ST3GAL2: variants seen among roughly 807,000 people sequenced by gnomAD.
The protein encoded by ST3GAL2 is ST3 beta-galactoside alpha-2,3-sialyltransferase 2.
ST3GAL2 carries 16 observed loss-of-function variants against 37.5 expected under a neutral mutation model. The ratio of observed to expected loss-of-function variants is 0.43; its 90% CI spans 0.29 to 0.65. The LOEUF (loss-of-function observed/expected upper bound fraction) is 0.65. ST3GAL2 is among the 30% of genes least tolerant of loss of function. ST3GAL2 has a pLI of 0.17. For missense variants in ST3GAL2, 383 were observed against 487.8 expected (o/e 0.79, Z 2.02); for synonymous variants, 238 against 202.9 (o/e 1.17, Z -1.47).
intron 4 of ST3GAL2, among the ~76,000 whole-genome samples, chr16:70,386,058 G>A (rs946272533): frequency 1.3e-5 from 2 of 151,820 alleles, no homozygotes; most frequent in African/African-American, 4.8e-5. Flanking sequence ...CGGAATCTCT[G>A]TCGTCAGGCT....
intron 1 of ST3GAL2, among the ~76,000 whole-genome samples, chr16:70,411,245 C>T (rs1190829308): frequency 2.0e-5 from 3 of 151,880 alleles, no homozygotes; most frequent in African/African-American, 7.3e-5. Flanking sequence ...ATTAGCTGGG[C>T]GTGGGGTCAA....
chr16:70,381,635 G>C lies in ST3GAL2; in HGVS notation c.*54C>G, dbSNP rs2047405815. On this transcript the variant is annotated 3_prime_UTR_variant, in exon 7 of 7. Transcript: ENST00000342907. Reference sequence around the variant, plus strand: ...GCGGGTTGCTGGTCCTGGGTCCCGGGCCGGAGCCCCGGTGCCCGATAGATG... The same window carrying C: ...GCGGGTTGCTGGTCCTGGGTCCCGGCCCGGAGCCCCGGTGCCCGATAGATG... 6.3e-7 allele frequency: 1 copy of C among 1,588,804 alleles called. No individual in the cohort carries two copies. The highest frequency in any genetic ancestry group is 8.6e-7 in the Non-Finnish European group (1 of 1,167,864).
chr16:70,429,170 G>A (rs2047771250), intron 1 of ST3GAL2, among the ~76,000 whole-genome samples: 1 of 152,314 alleles, frequency 6.6e-6, no homozygotes, highest in South Asian at 2.1e-4. Flanking sequence ...ATCCAAACAG[G>A]TTAGGAGAAA....
rs1302929967 is a variant in ST3GAL2, at chr16:70,398,405, C to G, written c.126G>C (p.Leu42=). ...CCAGCTTCACCCGGTGCGTCCCATC[C>G]AGGGCCCCTGAGTCCAGGTAGGGGA... ...ATLPYLDSGA[L]DGTHRVKLVP... is the part of the protein sequence containing the mutation. Residue 42 remains leucine, a synonymous_variant, in exon 2 of 7, where the codon CTG becomes CTC. Transcript: ENST00000342907. 1 of 1,613,720 alleles carries G rather than the reference C, an allele frequency of 6.2e-7. No homozygotes were observed. Among genetic ancestry groups the G allele is most frequent in the Admixed American group, 1.7e-5 (1 of 60,032 alleles).
intron 1 of ST3GAL2, among the ~76,000 whole-genome samples, chr16:70,413,668 G>A (rs891511252): frequency 1.7e-4 from 26 of 150,174 alleles, no homozygotes; most frequent in East Asian, 3.9e-4. Flanking sequence ...CCCAGGAAGC[G>A]GAGGTTGCAG....
chr16:70,399,254 C>G lies in ST3GAL2; in HGVS notation c.-724G>C, dbSNP rs1181719081. ...CTTCTCCTGGTGGCCCCAGCCCCAG[C>G]TGCAGTTGCGTAGGGGTCGCAAAGC... On this transcript the variant is annotated 5_prime_UTR_variant, in exon 2 of 7. Transcript: ENST00000342907. The G allele has an allele frequency of 2.5e-6, 1 of 398,802 alleles. No individual in the cohort carries two copies. Among genetic ancestry groups the G allele is most frequent in the East Asian group, 3.6e-5 (1 of 28,094 alleles). The allele number at this position is 398,802 out of a possible 1,614,324, so 24.7% of individuals were successfully genotyped here. A position where few individuals can be genotyped will look rare whatever the true frequency, so the allele number is the denominator to read the frequency against.
chr16:70,424,727 G>C (rs1265494662), intron 1 of ST3GAL2, among the ~76,000 whole-genome samples: 1 of 152,206 alleles, frequency 6.6e-6, no homozygotes, highest in Non-Finnish European at 1.5e-5. Flanking sequence ...AATCCAATTT[G>C]AAGTGCCCTT....
chr16:70,402,169 C>G (rs1396991158), intron 1 of ST3GAL2, among the ~76,000 whole-genome samples: 1 of 150,194 alleles, frequency 6.7e-6, no homozygotes, highest in African/African-American at 2.5e-5. Context: ...CATGGTGGCA[C>G]ATGCCTGTAA....
intron 3 of ST3GAL2, among the ~76,000 whole-genome samples, chr16:70,391,524 C>A (rs1410926803): frequency 6.6e-6 from 1 of 152,202 alleles, no homozygotes; most frequent in Non-Finnish European, 1.5e-5. Flanking sequence ...CTGCTAAACT[C>A]CCCATGCAGG....
intron 1 of ST3GAL2, among the ~76,000 whole-genome samples, chr16:70,402,174 C>G (rs1273374589): frequency 2.0e-5 from 3 of 150,414 alleles, no homozygotes; most frequent in African/African-American, 7.3e-5. Flanking sequence ...TGGCACATGC[C>G]TGTAATCCCA....
intron 1 of ST3GAL2, among the ~76,000 whole-genome samples, chr16:70,402,768 G>C (rs564735032): frequency 4.7e-4 from 72 of 152,278 alleles, no homozygotes; most frequent in African/African-American, 1.6e-3. Context: ...TCCTGTCTCA[G>C]CCTCCTGAGT....
In ST3GAL2 at chr16:70,399,355, G is replaced by A. The variant is rs2047539798; in HGVS notation, c.-825C>T. On this transcript the variant is annotated 5_prime_UTR_variant, in exon 2 of 7. It introduces an in-frame stop codon into an upstream open reading frame of the 5' UTR. Coordinates refer to ENST00000342907, the MANE Select transcript of ST3GAL2 (RefSeq NM_006927.4). ...CGGGGCACTGTGTCCAATACCATCT[G>A]GGTCAGGCGAGCTTGTGCTGAGCTC... 2.5e-6 allele frequency: 1 copy of A among 398,722 alleles called. No individual in the cohort carries two copies. Among genetic ancestry groups the A allele is most frequent in the Non-Finnish European group, 4.4e-6 (1 of 226,168 alleles). The allele number at this position is 398,722 out of a possible 1,614,324, so 24.7% of individuals were successfully genotyped here.
At chr16:70,427,573 G>A (rs1338114362) in intron 1 of ST3GAL2, among the ~76,000 whole-genome samples, 1 of 151,914 alleles carries the variant, frequency 6.6e-6, no homozygotes, top group Non-Finnish European at 1.5e-5. Context: ...TCCTGACCTC[G>A]TGATCCGCCC....
chr16:70,430,924 A>C (rs2047785506), intron 1 of ST3GAL2, among the ~76,000 whole-genome samples: 1 of 152,108 alleles, frequency 6.6e-6, no homozygotes, highest in Admixed American at 6.6e-5. Flanking sequence ...CCTGAAACTC[A>C]GGTTCCAATT....
chr16:70,417,204 A>G (rs2047682258), intron 1 of ST3GAL2, among the ~76,000 whole-genome samples: 1 of 152,162 alleles, frequency 6.6e-6, no homozygotes, highest in African/African-American at 2.4e-5. Context: ...GGGCAGATTG[A>G]GGGTCACAGC....
intron 6 of ST3GAL2, 84 bp from the exon 7 acceptor site, chr16:70,381,946 G>A: frequency 6.4e-7 from 1 of 1,558,304 alleles, no homozygotes; most frequent in East Asian, 2.3e-5. Flanking sequence ...AGGGAGGAGA[G>A]GGGACGGGAG....
chr16:70,427,537 C>T (rs1038303837), intron 1 of ST3GAL2, among the ~76,000 whole-genome samples: 2 of 151,940 alleles, frequency 1.3e-5, no homozygotes, highest in Non-Finnish European at 2.9e-5. Context: ...TGGGGTTTCA[C>T]CGTGTTAGCC....
chr16:70,401,994 C>CAAAA (rs749422742), intron 1 of ST3GAL2, among the ~76,000 whole-genome samples: 37 of 60,120 alleles, frequency 6.2e-4, no homozygotes, highest in Non-Finnish European at 6.8e-4. Context: ...AACTCTGCCT[C>CAAAA]AAAAAAAAAA....
rs202199800 is a variant in ST3GAL2, at chr16:70,388,348, A to T, written c.713+19T>A. 119 of 1,613,912 alleles carry T rather than the reference A, an allele frequency of 7.4e-5. No individual in the cohort carries two copies. The highest frequency in any genetic ancestry group is 3.3e-4 in the Middle Eastern group (2 of 6,012). On this transcript the variant is annotated intron_variant, in intron 4 of 6. Transcript: ENST00000342907. ...TGGTCCTGTCACCCATATTCTACCC[A>T]GGCCAGCAAGAAGCTCACAATCGGA...
Sources: gnomAD v4.1 joint callset for allele counts (sites outside exome capture counted in the v4.1 genomes callset) on GRCh38, gnomAD v4.1.1 for gene constraint, MANE v1.5 for transcripts, NCBI Gene and HGNC (gene_info 2026-07-23, HGNC 2026-07-21) for gene names.